ZNF407: variants seen among roughly 807,000 people sequenced by gnomAD.
ZNF407 encodes the protein zinc finger protein 407.
ZNF407 carries 17 observed loss-of-function variants against 131.2 expected under a neutral mutation model. The observed-to-expected ratio is 0.13, with a 90% confidence interval of 0.09 to 0.19. ZNF407 has a LOEUF of 0.19. Ranked by LOEUF, ZNF407 falls within the 10% of genes least tolerant of loss-of-function variation. The pLI is 1.00. For missense variants in ZNF407, 2,681 were observed against 2,830.6 expected, an observed-to-expected ratio of 0.95 and a Z score of 1.20; for synonymous variants, 1,156 against 1,062.0, an observed-to-expected ratio of 1.09 and a Z score of -1.72.
chr18:74,653,855 T>A (rs1422408875), intron 3 of ZNF407, among the ~76,000 whole-genome samples: 1 of 151,854 alleles, frequency 6.6e-6, no homozygotes, highest in Non-Finnish European at 1.5e-5. Context: ...ATTTTAGCTA[T>A]TTTTTAGAAA....
chr18:74,930,619 T>C (rs776143673), intron 8 of ZNF407, among the ~76,000 whole-genome samples: 1 of 152,194 alleles, frequency 6.6e-6, no homozygotes, highest in Non-Finnish European at 1.5e-5. Context: ...TTCCCAGTTC[T>C]TCATTCTATT....
At chr18:74,906,962 CAT>C (rs1310505646) in intron 7 of ZNF407, among the ~76,000 whole-genome samples, 2 of 152,026 alleles carry the variant, frequency 1.3e-5, no homozygotes, top group South Asian at 4.2e-4. Flanking sequence ...TGTGTATATG[CAT>C]ATGTGTGCAC....
intron 4 of ZNF407, among the ~76,000 whole-genome samples, chr18:74,783,061 G>C (rs1339510736): frequency 6.6e-6 from 1 of 152,158 alleles, no homozygotes; most frequent in Non-Finnish European, 1.5e-5. Context: ...TGTTTCATAA[G>C]TGTTGTTTAA....
At chr18:74,834,313 C>T (rs1180446938) in intron 4 of ZNF407, among the ~76,000 whole-genome samples, 2 of 152,202 alleles carry the variant, frequency 1.3e-5, no homozygotes, top group Non-Finnish European at 2.9e-5. Flanking sequence ...CTTCTTGCAG[C>T]ATGACCCAAT....
At chr18:74,883,832 A>G (rs1020794737) in intron 6 of ZNF407, among the ~76,000 whole-genome samples, 2 of 152,226 alleles carry the variant, frequency 1.3e-5, no homozygotes, top group Non-Finnish European at 2.9e-5. Flanking sequence ...GATTTGAGCC[A>G]AGATTACTGC....
Position 74,851,268 on chromosome 18 carries a change from C to T in ZNF407, c.4878-25929C>T, listed in dbSNP as rs117177392. ...TCTATGAGACACTTCATTATTGCCG[C>T]GAGTTCTCGCTATTCCTGTGCATAC... is the stretch of plus-strand genomic sequence containing the variant. On this transcript the variant is annotated intron_variant, in intron 4 of 8. Transcript: ENST00000299687. 4.3e-3 allele frequency among the ~76,000 whole-genome samples: 656 copies of T among 152,240 alleles called. 16 individuals are homozygous for T. In the East Asian group the frequency reaches 0.062, roughly 14 times the overall value.
chr18:75,033,045 C>T (rs1207672986), intron 8 of ZNF407, among the ~76,000 whole-genome samples: 1 of 115,270 alleles, frequency 8.7e-6, no homozygotes, highest in South Asian at 2.8e-4. Context: ...TAAGACTGCT[C>T]GGAATGGGGG....
chr18:74,803,957 G>A lies in ZNF407; in HGVS notation c.4877+22455G>A, dbSNP rs1386322707. On this transcript the variant is annotated intron_variant, in intron 4 of 8. Coordinates refer to ENST00000299687, the MANE Select transcript of ZNF407 (RefSeq NM_017757.3). Reference sequence around the variant, plus strand: ...AATTTAACAAACTTGATTGTCCTTGGCTTCAGAGTAAAGGTTGCATATCGA... The same window carrying A: ...AATTTAACAAACTTGATTGTCCTTGACTTCAGAGTAAAGGTTGCATATCGA... The A allele has an allele frequency of 1.2e-5, 18 of 1,551,374 alleles. No homozygotes were observed. The East Asian group carries it at 4.4e-4, about 38-fold the overall frequency.
At chr18:74,862,019 A>T (rs897017891) in intron 4 of ZNF407, among the ~76,000 whole-genome samples, 1 of 152,214 alleles carries the variant, frequency 6.6e-6, no homozygotes, top group East Asian at 1.9e-4. Context: ...TTAATATTTC[A>T]TTAGATATTA....
At chr18:74,762,729 T>G (rs1271802384) in intron 3 of ZNF407, among the ~76,000 whole-genome samples, 1 of 152,084 alleles carries the variant, frequency 6.6e-6, no homozygotes, top group Non-Finnish European at 1.5e-5. Flanking sequence ...TCATAGCTGC[T>G]TTTAGATTTT....
chr18:74,962,790 G>A (rs1568284478), intron 8 of ZNF407, among the ~76,000 whole-genome samples: 2 of 152,192 alleles, frequency 1.3e-5, no homozygotes, highest in Non-Finnish European at 2.9e-5. Context: ...GCACTTACGT[G>A]CTCTGTTGAA....
At chr18:75,007,857 G>A (rs1972930014) in intron 8 of ZNF407, among the ~76,000 whole-genome samples, 1 of 152,086 alleles carries the variant, frequency 6.6e-6, no homozygotes, top group South Asian at 2.1e-4. Flanking sequence ...CTGCTTTGGG[G>A]TACACATAGA....
At chr18:74,957,794 G>A (rs757548802) in intron 8 of ZNF407, among the ~76,000 whole-genome samples, 2 of 152,182 alleles carry the variant, frequency 1.3e-5, no homozygotes, top group Non-Finnish European at 2.9e-5. Context: ...TCTTCAAGAT[G>A]TAATGAGGTC....
intron 3 of ZNF407, among the ~76,000 whole-genome samples, chr18:74,763,956 G>A (rs1420420685): frequency 2.9e-4 from 44 of 151,360 alleles, no homozygotes; most frequent in African/African-American, 9.0e-4. Context: ...CTCGTGATCC[G>A]CCCGCCTCGG....
At chr18:74,812,556 G>C (rs1223849261) in intron 4 of ZNF407, among the ~76,000 whole-genome samples, 1 of 152,002 alleles carries the variant, frequency 6.6e-6, no homozygotes, top group Non-Finnish European at 1.5e-5. Flanking sequence ...TGTGAAGTGA[G>C]AGTGAGAGAG....
At chr18:74,941,398 G>T (rs996670346) in intron 8 of ZNF407, among the ~76,000 whole-genome samples, 2 of 152,072 alleles carry the variant, frequency 1.3e-5, no homozygotes, top group African/African-American at 2.4e-5. Context: ...TACTGGGTGG[G>T]CACATTTGCT....
At chr18:74,945,023 T>A (rs1305240619) in intron 8 of ZNF407, among the ~76,000 whole-genome samples, 4 of 152,198 alleles carry the variant, frequency 2.6e-5, no homozygotes, top group Admixed American at 6.5e-5. Context: ...ACGACTCGTA[T>A]GCATTTGCTT....
chr18:74,835,048 A>T (rs1970536238), intron 4 of ZNF407, among the ~76,000 whole-genome samples: 1 of 152,152 alleles, frequency 6.6e-6, no homozygotes, highest in African/African-American at 2.4e-5. Context: ...TGTTGACCAC[A>T]TCAGCCTCGA....
rs62089913 is a variant in ZNF407, at chr18:74,919,373, T to A, written c.5250-1141T>A. On this transcript the variant is annotated intron_variant, in intron 7 of 8. Coordinates refer to ENST00000299687, the MANE Select transcript of ZNF407 (RefSeq NM_017757.3). ...TAGAAACGTTCAGGCACTGTAGACC[T>A]ACATAAAGTTCTTCTTAGAGCCTTC... is the stretch of plus-strand genomic sequence containing the variant. Among the ~76,000 whole-genome samples, 321 of 152,316 alleles carry A rather than the reference T, an allele frequency of 2.1e-3. 1 individual carries two copies. The highest frequency in any genetic ancestry group is 3.6e-3 in the Non-Finnish European group (244 of 68,032).
Sources: allele counts gnomAD v4.1 joint callset (sites outside exome capture counted in the v4.1 genomes callset), GRCh38; gene constraint gnomAD v4.1.1; transcripts MANE v1.5; gene names NCBI Gene and HGNC (gene_info 2026-07-23, HGNC 2026-07-21).